The following STAG3 variants were observed in gnomAD, a reference collection of about 807,000 sequenced individuals.
STAG3 encodes STAG3 cohesin complex component.
A neutral mutation model predicts 160.7 loss-of-function variants in STAG3; 101 were observed. The observed-to-expected ratio is 0.63, with a 90% CI of 0.54 to 0.74. The LOEUF is 0.74. STAG3 is among the 30% of genes least tolerant of loss of function. STAG3 has a pLI of 0.00. For missense variants in STAG3, 1,188 were observed against 1,517.4 expected (o/e 0.78, Z 3.61); for synonymous variants, 519 against 585.0 (o/e 0.89, Z 1.63).
In STAG3 at chr7:100,180,664, C is replaced by G; in HGVS notation, c.108C>G (p.Thr36=). ...TTGATGACAGGGACTCAAACCATAC[C>G]TCAGAGGGGTAAGTAGATGTTGCAT... ...LPFDDRDSNH[T]SEGNGDSLLA... is the part of the protein sequence containing the mutation. Residue 36 remains threonine (T), a synonymous_variant, in exon 2 of 34, where the codon ACC becomes ACG. Transcript: ENST00000615138. 6.3e-7 allele frequency: 1 copy of G among 1,591,486 alleles called. No homozygotes were observed. The highest frequency in any genetic ancestry group is 2.2e-5 in the East Asian group (1 of 44,822).
chr7:100,208,986 C>T (rs1393473018), intron 29 of STAG3, among the ~76,000 whole-genome samples: 1 of 152,130 alleles, frequency 6.6e-6, no homozygotes, highest in Non-Finnish European at 1.5e-5. Context: ...ATCAATCAGG[C>T]AGTGGCAGAC....
chr7:100,204,385 G>T (rs1163261039), intron 26 of STAG3, among the ~76,000 whole-genome samples: 2 of 152,094 alleles, frequency 1.3e-5, no homozygotes, highest in Non-Finnish European at 2.9e-5. Context: ...TTATTTTTCA[G>T]TCTGTTCTCT....
chr7:100,178,351 C>G (rs987250280), intron 1 of STAG3, among the ~76,000 whole-genome samples: 1 of 152,198 alleles, frequency 6.6e-6, no homozygotes, highest in Non-Finnish European at 1.5e-5. Context: ...GCCTCCACCC[C>G]CAAATCCTTA....
intron 32 of STAG3, 39 bp from the exon 33 acceptor site, chr7:100,213,696 T>C (rs1442226435): frequency 1.2e-6 from 2 of 1,613,904 alleles, no homozygotes; most frequent in Non-Finnish European, 8.5e-7. Flanking sequence ...GACAGGAGTG[T>C]GTAAAGGCCT....
intron 8 of STAG3, among the ~76,000 whole-genome samples, chr7:100,190,550 C>A (rs916821313): frequency 6.6e-6 from 1 of 152,100 alleles, no homozygotes; most frequent in African/African-American, 2.4e-5. Context: ...CTTTTCTTTT[C>A]TTTTTCTTTT....
At position 100,180,588 on chromosome 7, in the gene STAG3, A is replaced by G. The variant is rs1562962959; in HGVS notation, c.32A>G (p.Asp11Gly). ...TCCCCGTTGCAAAGAGCTGTGGGAG[A>G]TACCAAGAGGGCCTTGTCTGCATCT... MSSPLQRAVG[D>G]TKRALSASSS... The change falls in exon 2 of 34, where the codon GAT becomes GGT. Residue 11 changes from aspartate (D) to glycine (G), a missense_variant. This residue lies in a region of STAG3 where 296 missense variants were observed against 404.0 expected (regional missense o/e 0.73). Coordinates refer to ENST00000615138, the MANE Select transcript of STAG3 (RefSeq NM_001282717.2). The G allele has an allele frequency of 1.9e-6, 3 of 1,613,420 alleles. No individual in the cohort carries two copies. The highest frequency in any genetic ancestry group is 2.5e-6 in the Non-Finnish European group (3 of 1,179,370).
chr7:100,211,585 C>T (rs755344886), intron 31 of STAG3, 46 bp downstream of exon 31: 2 of 1,597,598 alleles, frequency 1.3e-6, no homozygotes, highest in South Asian at 2.2e-5. Context: ...GATCTGTCGC[C>T]CACTGTGAGG....
At chr7:100,204,871 C>T in intron 27 of STAG3, 96 bp downstream of exon 27, 8 of 1,581,344 alleles carry the variant, frequency 5.1e-6, no homozygotes, top group Non-Finnish European at 6.9e-6. Context: ...CAAGGCATAG[C>T]AGTCAGGTTA....
chr7:100,180,814 C>T, intron 2 of STAG3, 142 bp downstream of exon 2: 1 of 604,086 alleles, frequency 1.7e-6, no homozygotes, highest in Non-Finnish European at 3.0e-6. Context: ...GACACCCTCC[C>T]TCCAGCTCCA....
intron 8 of STAG3, among the ~76,000 whole-genome samples, chr7:100,190,292 G>T (rs1279019527): frequency 6.6e-6 from 1 of 152,144 alleles, no homozygotes; most frequent in Non-Finnish European, 1.5e-5. Flanking sequence ...AACACTACTG[G>T]TGTTTTCTCC....
Position 100,211,844 on chromosome 7 carries a change from G to T in STAG3, c.3568G>T (p.Glu1190Ter). 6.2e-7 allele frequency: 1 copy of T among 1,614,110 alleles called. No individual in the cohort carries two copies. Among genetic ancestry groups the T allele is most frequent in the Non-Finnish European group, 8.5e-7 (1 of 1,180,010 alleles). ...DEEEELEIQD[E>*]SNEERQDTDM... ...GGAAGAAGAGTTAGAAATCCAGGAT[G>T]AGTCAAATGAAGAACGGCAGGATAC... Residue 1190 changes from glutamate (E) to a stop codon, truncating the protein, a stop_gained, in exon 32 of 34, where the codon GAG becomes TAG. Transcript: ENST00000615138. LOFTEE classifies it high-confidence loss of function.
chr7:100,202,853 C>T (rs1562991571), intron 25 of STAG3, among the ~76,000 whole-genome samples: 1 of 152,190 alleles, frequency 6.6e-6, no homozygotes, highest in African/African-American at 2.4e-5. Context: ...TTATTTTTCT[C>T]TGACCCCAGT....
At chr7:100,205,982 T>C (rs1317720731) in intron 29 of STAG3, among the ~76,000 whole-genome samples, 1 of 152,160 alleles carries the variant, frequency 6.6e-6, no homozygotes, top group African/African-American at 2.4e-5. Context: ...TCAGATCACC[T>C]GTTGTCTTAT....
chr7:100,188,545 C>T lies in STAG3; in HGVS notation c.510+16C>T. 1 of 1,581,022 alleles carries T rather than the reference C, an allele frequency of 6.3e-7. No individual in the cohort carries two copies. The highest frequency in any genetic ancestry group is 8.7e-7 in the Non-Finnish European group (1 of 1,149,800). ...GTTTAATGAGGTGGAAGAAGATGAC[C>T]AGGATCCTCTTACCCCTCTTATTTC... On this transcript the variant is annotated intron_variant, in intron 6 of 33. Coordinates refer to ENST00000615138, the MANE Select transcript of STAG3 (RefSeq NM_001282717.2).
chr7:100,202,494 CCAGCGGCG>C lies in STAG3; in HGVS notation c.2606_2613del (p.Gln869ProfsTer33). ...ATCATTTACAGATAGAGCGGCTACA[CCAGCGGCG>C]CCGCCTCCTAGCCGGGTTCTGCAAG... On this transcript the variant is annotated frameshift_variant, in exon 25 of 34. Transcript: ENST00000615138. LOFTEE classifies it high-confidence loss of function. 1 of 1,614,166 alleles carries C rather than the reference CCAGCGGCG, an allele frequency of 6.2e-7. No individual in the cohort carries two copies. Among genetic ancestry groups the C allele is most frequent in the Non-Finnish European group, 8.5e-7 (1 of 1,180,020 alleles).
chr7:100,183,633 T>A (rs1255787273), intron 4 of STAG3, among the ~76,000 whole-genome samples: 1 of 152,252 alleles, frequency 6.6e-6, no homozygotes, highest in East Asian at 1.9e-4. Context: ...AATAGTGCTG[T>A]AGAGATCCTT....
chr7:100,200,192 T>G, intron 16 of STAG3, 44 bp from the exon 17 acceptor site: 1 of 1,485,270 alleles, frequency 6.7e-7, no homozygotes, highest in Non-Finnish European at 9.3e-7. Flanking sequence ...CCTGCACCAG[T>G]GTTTCTTTAC....
intron 21 of STAG3, 35 bp from the exon 22 acceptor site, chr7:100,201,751 C>G: frequency 1.2e-6 from 2 of 1,602,500 alleles, no homozygotes; most frequent in South Asian, 1.1e-5. Context: ...CTCTCCTAAC[C>G]CAAACCTCAT....
In STAG3 at chr7:100,205,129, C is replaced by T. The variant is rs377424815; in HGVS notation, c.3076C>T (p.Leu1026Phe). ...CCGACTCTTCCATCAGGACAAGCAGCTTTTGTAAGTTGGTGGGTGGATAGA... is the reference window on the plus strand; with the variant it reads ...CCGACTCTTCCATCAGGACAAGCAGTTTTTGTAAGTTGGTGGGTGGATAGA... Reference protein sequence around the residue: ...SPRLFHQDKQLLLSYLEKCLQ... With the variant: ...SPRLFHQDKQFLLSYLEKCLQ... The change falls in exon 28 of 34, where the codon CTT becomes TTT. Residue 1026 changes from leucine (L) to phenylalanine (F), a missense_variant. By Grantham distance (22) the Leu-to-Phe change is conservative. Transcript: ENST00000615138. 6.2e-7 allele frequency: 1 copy of T among 1,613,972 alleles called. No individual in the cohort carries two copies. The highest frequency in any genetic ancestry group is 8.5e-7 in the Non-Finnish European group (1 of 1,179,996).
Sources: allele counts gnomAD v4.1 joint callset (sites outside exome capture counted in the v4.1 genomes callset), GRCh38; gene constraint gnomAD v4.1.1; regional missense constraint gnomAD v4.1.1; transcripts MANE v1.5; gene names NCBI Gene and HGNC (gene_info 2026-07-23, HGNC 2026-07-21).